Variants in PACS2 observed in about 807,000 individuals in gnomAD.
The protein encoded by PACS2 is PACS1-like protein.
A neutral mutation model predicts 113.0 loss-of-function variants in PACS2; 36 were observed. The ratio of observed to expected loss-of-function variants is 0.32; its 90% CI spans 0.24 to 0.42. PACS2 has a LOEUF of 0.42. Ranked by LOEUF, PACS2 falls within the 10% of genes least tolerant of loss-of-function variation. The pLI is 1.00. For missense variants in PACS2, 1,015 were observed against 1,239.5 expected, an observed-to-expected ratio of 0.82 and a Z score of 2.72; for synonymous variants, 589 against 536.1, an observed-to-expected ratio of 1.10 and a Z score of -1.36.
chr14:105,316,273 C>T (rs2058622601), intron 1 of PACS2, among the ~76,000 whole-genome samples: 1 of 152,240 alleles, frequency 6.6e-6, no homozygotes, highest in South Asian at 2.1e-4. Flanking sequence ...AGGTCTGGGG[C>T]CGAGCACTGC....
Position 105,384,493 on chromosome 14 carries a change from C to G in PACS2, c.1891+30C>G, listed in dbSNP as rs782446259. 10 of 1,476,982 alleles carry G rather than the reference C, an allele frequency of 6.8e-6. No homozygotes were observed. In the African/African-American group the frequency reaches 1.4e-4, roughly 21 times the overall value. 91.5% of individuals were successfully genotyped at this position (1,476,982 alleles called of 1,614,324 possible). A position where few individuals can be genotyped will look rare whatever the true frequency, so the allele number is the denominator to read the frequency against. On this transcript the variant is annotated intron_variant, in intron 17 of 24. Transcript: ENST00000447393. The stretch of plus-strand genomic sequence containing the variant: ...GGCCCGGGCGCGTCCACAGCCCACG[C>G]CACGGCGGGAGGAAGGGGCCCCGGT...
At chr14:105,339,509 TAA>T (rs112048576) in intron 1 of PACS2, among the ~76,000 whole-genome samples, 17 of 111,602 alleles carry the variant, frequency 1.5e-4, no homozygotes, top group Middle Eastern at 5.4e-3. Flanking sequence ...TCTGTCTCTA[TAA>T]AAAAAAAAAA....
chr14:105,316,206 C>T (rs1007499597), intron 1 of PACS2, among the ~76,000 whole-genome samples: 2 of 151,910 alleles, frequency 1.3e-5, no homozygotes, highest in African/African-American at 2.4e-5. Flanking sequence ...TTGCACCTGG[C>T]GGGGCCTCCC....
chr14:105,353,638 T>A (rs2060320679), intron 3 of PACS2, among the ~76,000 whole-genome samples: 1 of 152,064 alleles, frequency 6.6e-6, no homozygotes, highest in African/African-American at 2.4e-5. Context: ...GAGTCTCTCC[T>A]TGTCACCCAG....
intron 1 of PACS2, among the ~76,000 whole-genome samples, chr14:105,302,827 C>T (rs759206952): frequency 6.6e-6 from 1 of 152,064 alleles, no homozygotes; most frequent in Non-Finnish European, 1.5e-5. Context: ...GTGAGCCACC[C>T]GCCTTGTCTT....
intron 1 of PACS2, among the ~76,000 whole-genome samples, chr14:105,334,768 C>T (rs2059446009): frequency 6.6e-6 from 1 of 152,248 alleles, no homozygotes; most frequent in Non-Finnish European, 1.5e-5. Flanking sequence ...CGTGGCCACA[C>T]AAGTCACTGA....
In PACS2 at chr14:105,391,723, C is replaced by T. The variant is rs1363795667; in HGVS notation, c.2212C>T (p.Pro738Ser). The change falls in exon 22 of 25, where the codon CCG becomes TCG. Residue 738 changes from proline to serine, a missense_variant. Physicochemically the swap from Pro to Ser is moderately conservative, Grantham distance 74 (BLOSUM62 -1). Coordinates refer to ENST00000447393, the MANE Select transcript of PACS2 (RefSeq NM_001100913.3). ...SPAAKEASPT[P>S]PSSPSVSGGL... ...TGCGGCCAAGGAGGCCTCACCCACC[C>T]CGCCCTCCTCCCCGTCGGTGAGCGG... 6.3e-7 allele frequency: 1 copy of T among 1,598,288 alleles called. No individual in the cohort carries two copies. The highest frequency in any genetic ancestry group is 1.3e-5 in the African/African-American group (1 of 74,664).
chr14:105,384,041 C>A, intron 16 of PACS2: 1 of 386,998 alleles, frequency 2.6e-6, no homozygotes, highest in South Asian at 2.9e-5. Context: ...TCCCGTGTGG[C>A]CCTCACGATG....
Position 105,383,589 on chromosome 14 carries a change from G to A in PACS2, c.1780+76G>A, listed in dbSNP as rs587647268. On this transcript the variant is annotated intron_variant, in intron 16 of 24. Coordinates refer to ENST00000447393, the MANE Select transcript of PACS2 (RefSeq NM_001100913.3). ...GTGGCGTGGCATGGAGTGGTGTGGC[G>A]TGGCGTGGCGTGTTGTGTGGCGTGG... is the stretch of plus-strand genomic sequence containing the variant. 1.7e-5 allele frequency: 24 copies of A among 1,417,704 alleles called. No homozygotes were observed. In the Middle Eastern group the frequency reaches 5.5e-4, roughly 33 times the overall value. 87.8% of individuals were successfully genotyped at this position (1,417,704 alleles called of 1,614,324 possible).
At position 105,309,161 on chromosome 14, in the gene PACS2, T is replaced by G. The variant is rs192634855; in HGVS notation, c.-83+8182T>G. On this transcript the variant is annotated intron_variant, in intron 1 of 23. Coordinates refer to the PACS2 transcript ENST00000430725. This position sits in a 1 kb window ranked among gnomAD's most constrained non-coding sequence, Gnocchi z 4.0. The stretch of plus-strand genomic sequence containing the variant: ...GGGTGTTTTCCTTTCTTTTCTAATA[T>G]TTAAGTTATGTCCTGGCTTATTGTG... Among the ~76,000 whole-genome samples the G allele has an allele frequency of 1.4e-3, 212 of 152,294 alleles. No homozygotes were observed. The highest frequency in any genetic ancestry group is 4.9e-3 in the African/African-American group (205 of 41,566).
chr14:105,371,933 A>G (rs931616107), intron 8 of PACS2: 8 of 152,234 alleles, frequency 5.3e-5, no homozygotes, highest in Non-Finnish European at 8.8e-5. Flanking sequence ...AGGGCCTGAC[A>G]AGCTCCCTCA....
chr14:105,380,610 G>C (rs995372390), intron 11 of PACS2, among the ~76,000 whole-genome samples: 5 of 151,902 alleles, frequency 3.3e-5, no homozygotes, highest in African/African-American at 4.8e-5. Context: ...CACCCGCAGG[G>C]TCAGGGCCCC....
chr14:105,379,977 C>A, intron 10 of PACS2, 103 bp from the exon 11 acceptor site: 1 of 1,323,704 alleles, frequency 7.6e-7, no homozygotes, highest in Non-Finnish European at 1.1e-6. Flanking sequence ...CACTGCCACG[C>A]AGGTACCCCG....
At chr14:105,338,986 G>T (rs1448875853) in intron 1 of PACS2, among the ~76,000 whole-genome samples, 1 of 152,180 alleles carries the variant, frequency 6.6e-6, no homozygotes, top group African/African-American at 2.4e-5. Flanking sequence ...ACTGACTGCA[G>T]GTATCCAGGC....
At chr14:105,364,116 A>T (rs1555407313) in intron 4 of PACS2, among the ~76,000 whole-genome samples, 1 of 150,124 alleles carries the variant, frequency 6.7e-6, no homozygotes, top group Non-Finnish European at 1.5e-5. Flanking sequence ...AAATATTGGG[A>T]GAATTACCAA....
chr14:105,389,674 C>T (rs971444881), intron 19 of PACS2: 4 of 481,878 alleles, frequency 8.3e-6, no homozygotes, highest in African/African-American at 3.9e-5. Context: ...TGGAGCTGTG[C>T]CCTCTGGCCT....
chr14:105,383,319 C>T lies in PACS2; in HGVS notation c.1626-40C>T, dbSNP rs201119632. ...TGGATGGAGGACGGCTCCCCTGAGG[C>T]GTCTGTCCCCTCTCCGTCCCACCTG... On this transcript the variant is annotated intron_variant, in intron 15 of 24. Coordinates refer to ENST00000447393, the MANE Select transcript of PACS2 (RefSeq NM_001100913.3). 26 of 1,598,930 alleles carry T rather than the reference C, an allele frequency of 1.6e-5. No individual in the cohort carries two copies. In the East Asian group the frequency reaches 2.2e-4, roughly 14 times the overall value.
intron 23 of PACS2, among the ~76,000 whole-genome samples, 180 bp from the exon 24 acceptor site, chr14:105,393,042 G>A (rs587709877): frequency 5.3e-4 from 80 of 152,320 alleles, no homozygotes; most frequent in African/African-American, 1.9e-3. Flanking sequence ...AGCCTCAGGC[G>A]GAGGCCAGCT....
chr14:105,322,040 C>T (rs142278728), intron 1 of PACS2, among the ~76,000 whole-genome samples: 157 of 151,160 alleles, frequency 1.0e-3, no homozygotes, highest in African/African-American at 3.5e-3. Flanking sequence ...CGGGTTCAAG[C>T]GATTCTCCTG....
Sources: allele counts gnomAD v4.1 joint callset (sites outside exome capture counted in the v4.1 genomes callset), GRCh38; gene constraint gnomAD v4.1.1; non-coding constraint Gnocchi (gnomAD v3.1); transcripts MANE v1.5; gene names NCBI Gene and HGNC (gene_info 2026-07-23, HGNC 2026-07-21).